ZBED6: variants seen among roughly 807,000 people sequenced by gnomAD.
ZBED6 encodes zinc finger BED domain-containing protein 6.
Under a neutral mutation model 58.4 loss-of-function variants are expected in ZBED6, and 40 were observed. The ratio of observed to expected loss-of-function variants is 0.68; its 90% confidence interval spans 0.53 to 0.89. ZBED6 has a LOEUF of 0.89. Ranked by LOEUF, ZBED6 falls within the 40% of genes least tolerant of loss-of-function variation. The probability of loss-of-function intolerance (pLI) is 0.00; values close to 1 mark genes in which losing one functional copy is unlikely to be tolerated. For missense variants in ZBED6, 1,057 were observed against 1,003.9 expected, an observed-to-expected ratio of 1.05 and a Z score of -0.71; for synonymous variants, 439 against 350.6, an observed-to-expected ratio of 1.25 and a Z score of -2.82.
In ZBED6 at chr1:203,829,736, G is replaced by A. The variant is rs753038594; in HGVS notation, c.*3202-44G>A. The A allele has an allele frequency of 1.6e-5, 25 of 1,611,490 alleles. 1 individual carries two copies. In the Admixed American group the frequency reaches 4.2e-4, roughly 27 times the overall value. ...GGGCAGAATCAGGATTAAAGCTATA[G>A]GCGTATTTTTAATTGTGAATTTGCC... is the stretch of plus-strand genomic sequence containing the variant. On this transcript the variant is annotated intron_variant, in intron 5 of 16. Transcript: ENST00000550078.
At chr1:203,847,370 T>C in exon 12 of ZBED6, 2 of 1,613,882 alleles carry the variant, frequency 1.2e-6, no homozygotes, top group South Asian at 2.2e-5. Context: ...TCTGAGGTCC[T>C]GGCTGAAAAA....
At position 203,839,008 on chromosome 1, in the gene ZBED6, G is replaced by A. The variant is rs544323000; in HGVS notation, c.*3672+944G>A. ...AGAAAGGTTATAAACAAGGATCACA[G>A]GCTCAAATGTGCATTTTAAAACCAT... On this transcript the variant is annotated intron_variant, in intron 10 of 16. Transcript: ENST00000550078. Among the ~76,000 whole-genome samples the A allele has an allele frequency of 3.4e-4, 52 of 150,752 alleles. 1 individual carries two copies. The highest frequency in any genetic ancestry group is 1.2e-3 in the African/African-American group (49 of 41,016).
At chr1:203,849,961 C>T in exon 14 of ZBED6, 1 of 1,614,004 alleles carries the variant, frequency 6.2e-7, no homozygotes, top group Non-Finnish European at 8.5e-7. Flanking sequence ...GTAGAAACCT[C>T]AGGGATTGGA....
intron 1 of ZBED6, among the ~76,000 whole-genome samples, chr1:203,812,987 C>T (rs528858714): frequency 3.3e-5 from 5 of 152,070 alleles, no homozygotes; most frequent in Non-Finnish European, 4.4e-5. Context: ...TGGTGAGGTA[C>T]CTGTTCAGAT....
chr1:203,827,488 GGCT>G (rs1680918643), intron 3 of ZBED6, among the ~76,000 whole-genome samples: 1 of 151,638 alleles, frequency 6.6e-6, no homozygotes, highest in African/African-American at 2.4e-5. Context: ...AGACCATCCT[GGCT>G]AACATGGTAA....
chr1:203,819,529 A>ATTT (rs755259647), intron 3 of ZBED6, among the ~76,000 whole-genome samples: 1 of 72,878 alleles, frequency 1.4e-5, no homozygotes. Flanking sequence ...GCTGACTCCA[A>ATTT]TTTTTTTTTT....
chr1:203,841,308 T>C (rs191534838), intron 11 of ZBED6, among the ~76,000 whole-genome samples: 70 of 152,270 alleles, frequency 4.6e-4, no homozygotes, highest in Non-Finnish European at 8.4e-4. Context: ...TGCGGCCTTC[T>C]GCAGTGTTTG....
At chr1:203,850,941 G>A in intron 15 of ZBED6, 116 bp from the exon 16 acceptor site, 1 of 1,306,586 alleles carries the variant, frequency 7.7e-7, no homozygotes. Flanking sequence ...TCGATTCTTA[G>A]ATTCACAGGC....
intron 1 of ZBED6, among the ~76,000 whole-genome samples, chr1:203,816,720 A>G (rs992123909): frequency 5.3e-5 from 8 of 152,216 alleles, no homozygotes; most frequent in Non-Finnish European, 1.0e-4. Flanking sequence ...CAGAGAATAT[A>G]AAAGAAGGGC....
intron 1 of ZBED6, among the ~76,000 whole-genome samples, chr1:203,812,578 ATTTTT>A (rs386369376): frequency 9.1e-6 from 1 of 109,314 alleles, no homozygotes; most frequent in Non-Finnish European, 1.8e-5. Flanking sequence ...GCCATTCTAA[ATTTTT>A]TTTTTTTTTT....
intron 9 of ZBED6, chr1:203,835,848 C>T: frequency 4.1e-6 from 1 of 241,756 alleles, no homozygotes; most frequent in Non-Finnish European, 9.1e-6. Context: ...TATGTGCTCC[C>T]TTTTTTTCCG....
chr1:203,846,131 A>G (rs1244684765), intron 11 of ZBED6, among the ~76,000 whole-genome samples: 1 of 147,822 alleles, frequency 6.8e-6, no homozygotes, highest in Non-Finnish European at 1.5e-5. Context: ...AAAAAAAAAA[A>G]AAAAGATTTT....
chr1:203,824,983 A>G (rs1033437285), intron 3 of ZBED6, among the ~76,000 whole-genome samples: 3 of 149,396 alleles, frequency 2.0e-5, no homozygotes, highest in African/African-American at 7.4e-5. Context: ...AGGCTGAGGC[A>G]GGAGAATTGC....
rs762546059 is a variant in ZBED6 at position 203,849,698 on chromosome 1, A to G, written c.*4323-13A>G. The G allele has an allele frequency of 3.3e-5, 54 of 1,612,860 alleles. No homozygotes were observed. Among genetic ancestry groups the G allele is most frequent in the Admixed American group, 1.8e-4 (11 of 59,822 alleles). On this transcript the variant is annotated splice_polypyrimidine_tract_variant and intron_variant, in intron 13 of 16. Transcript: ENST00000550078. Reference sequence around the variant, plus strand: ...TACCAGATTTTAATTCTGTCATTCAAATTTATCCACAGGCTTCAGGTGAGA... The same window carrying G: ...TACCAGATTTTAATTCTGTCATTCAGATTTATCCACAGGCTTCAGGTGAGA...
At chr1:203,831,680 C>T in exon 8 of ZBED6, 1 of 1,612,634 alleles carries the variant, frequency 6.2e-7, no homozygotes, top group South Asian at 1.1e-5. Context: ...CAGGAGTTTC[C>T]AGTCTTTTAC....
At chr1:203,810,296 A>G (rs992731968) in intron 1 of ZBED6, among the ~76,000 whole-genome samples, 9 of 152,114 alleles carry the variant, frequency 5.9e-5, no homozygotes, top group African/African-American at 2.2e-4. Flanking sequence ...CTTGAATGGC[A>G]ATTATATTTG....
chr1:203,819,979 G>A lies in ZBED6; in HGVS notation c.*2873+1290G>A, dbSNP rs577346625. ...AGGCTGGGCTCAGTGGCTCACGCCT[G>A]TAATCCCAGCACTTTACTAGGCTGA... On this transcript the variant is annotated intron_variant, in intron 3 of 16. Transcript: ENST00000550078. Among the ~76,000 whole-genome samples the A allele has an allele frequency of 1.7e-4, 26 of 151,262 alleles. No individual in the cohort carries two copies. The South Asian group carries it at 5.3e-3, about 31-fold the overall frequency.
chr1:203,829,884 A>G (rs747910485), exon 6 of ZBED6: 1 of 1,613,868 alleles, frequency 6.2e-7, no homozygotes, highest in East Asian at 2.2e-5. Context: ...ACCTGCAGTC[A>G]ATATAAAGCA....
At chr1:203,799,894 A>G in exon 1 of ZBED6, 2 of 1,536,078 alleles carry the variant, frequency 1.3e-6, no homozygotes, top group Non-Finnish European at 1.7e-6. Flanking sequence ...TTAGAAACTT[A>G]TAAGCAGTTC....
Sources: allele counts gnomAD v4.1 joint callset (sites outside exome capture counted in the v4.1 genomes callset), GRCh38; gene constraint gnomAD v4.1.1; transcripts MANE v1.5; gene names NCBI Gene and HGNC (gene_info 2026-07-23, HGNC 2026-07-21).